The following IL9R variants were observed in gnomAD, a reference collection of about 807,000 sequenced individuals.
The protein encoded by IL9R is interleukin 9 receptor.
Under a neutral mutation model 56.3 loss-of-function variants are expected in IL9R, and 54 were observed. The ratio of observed to expected loss-of-function variants is 0.96; its 90% CI spans 0.77 to 1.20. The LOEUF (loss-of-function observed/expected upper bound fraction) is 1.20, where lower values mean the gene tolerates loss of function less well. Among genes scored for constraint, IL9R ranks in the 50% most tolerant of loss-of-function variants. IL9R has a pLI of 0.00. For missense variants in IL9R, 545 were observed against 629.8 expected, an observed-to-expected ratio of 0.87 and a Z score of 1.44; for synonymous variants, 212 against 250.2, an observed-to-expected ratio of 0.85 and a Z score of 1.44.
intron 6 of IL9R, among the ~76,000 whole-genome samples, chrX:156,005,827 G>A (rs1335812698): frequency 6.6e-6 from 1 of 152,094 alleles, no homozygotes; most frequent in African/African-American, 2.4e-5. Flanking sequence ...ATGGCCCAGG[G>A]ACTTTATGAC....
intron 8 of IL9R, among the ~76,000 whole-genome samples, chrX:156,009,278 G>GTT (rs2068301066): frequency 1.0e-5 from 1 of 95,470 alleles, no homozygotes; most frequent in East Asian, 4.2e-4. Context: ...GTGTGTGTAT[G>GTT]TCTGTGTGTG....
chrX:156,009,165 G>T (rs1569478882), intron 8 of IL9R, among the ~76,000 whole-genome samples: 1 of 122,054 alleles, frequency 8.2e-6, no homozygotes, highest in Non-Finnish European at 1.9e-5. Context: ...GTGTTTATGT[G>T]TGTATGTCTG....
At chrX:156,005,608 A>G in intron 6 of IL9R, 129 bp downstream of exon 6, 2 of 754,496 alleles carry the variant, frequency 2.7e-6, no homozygotes, top group East Asian at 2.7e-5. Flanking sequence ...GCCTCAGTTG[A>G]CCCCCTTCCT....
chrX:156,010,268 T>C lies in IL9R; in HGVS notation c.1425T>C (p.Ser475=), dbSNP rs1440441197. The change falls in exon 9 of 9, where the codon TCT becomes TCC. Residue 475 remains serine (S), a synonymous_variant. Transcript: ENST00000244174. ...TCCCAGCCCTGGCCTGTGGCCTTTCTTGTGACCATCAGGGCCTGGAGACCC... is the reference window on the plus strand; with the variant it reads ...TCCCAGCCCTGGCCTGTGGCCTTTCCTGTGACCATCAGGGCCTGGAGACCC... ...GPIPALACGL[S]CDHQGLETQQ... is the part of the protein sequence containing the mutation. 1 of 1,214,134 alleles carries C rather than the reference T, an allele frequency of 8.2e-7. No individual in the cohort carries two copies. The highest frequency in any genetic ancestry group is 3.6e-5 in the African/African-American group (1 of 28,080). The allele number at this position is 1,214,134 out of a possible 1,614,324, so 75.2% of individuals were successfully genotyped here.
At chrX:156,008,816 C>G (rs1444671114) in intron 8 of IL9R, among the ~76,000 whole-genome samples, 2 of 152,192 alleles carry the variant, frequency 1.3e-5, no homozygotes, top group African/African-American at 4.8e-5. Context: ...GTCTGCTGGC[C>G]ATAGCCGAGT....
chrX:156,010,018 T>C lies in IL9R; in HGVS notation c.1175T>C (p.Val392Ala), dbSNP rs146700454. The C allele has an allele frequency of 1.2e-4, 179 of 1,554,580 alleles. 5 individuals carry two copies. In the African/African-American group the frequency reaches 2.8e-3, roughly 24 times the overall value. ...RLPGNLSSED[V>A]LPAGCTEWRV... ...CCGGGGAACCTGAGCTCAGAGGATG[T>C]GCTGCCAGCAGGGTGTACGGAGTGG... Residue 392 changes from valine (V) to alanine (A), a missense_variant, in exon 9 of 9, where the codon GTG (valine) becomes GCG (alanine). This residue lies in a region of IL9R where 114 missense variants were observed against 269.8 expected (regional missense o/e 0.42). Coordinates refer to ENST00000244174, the MANE Select transcript of IL9R (RefSeq NM_002186.3).
In IL9R at chrX:156,001,309, G is replaced by T. The variant is rs1395314383; in HGVS notation, c.29-1597G>T. On this transcript the variant is annotated intron_variant, in intron 1 of 8. Transcript: ENST00000244174. ...CCTGGGTCAGCTCTCAGCTGTGGCC[G>T]TTGTGCCTGTGCTTCCCCAGGTCCT... 7 of 859,048 alleles carry T rather than the reference G, an allele frequency of 8.1e-6. No individual in the cohort carries two copies. In the East Asian group the frequency reaches 1.4e-4, roughly 18 times the overall value. The allele number at this position is 859,048 out of a possible 1,614,324, so 53.2% of individuals were successfully genotyped here.
chrX:156,001,388 C>T lies in IL9R; in HGVS notation c.29-1518C>T, dbSNP rs1342997242. On this transcript the variant is annotated intron_variant, in intron 1 of 8. Coordinates refer to ENST00000244174, the MANE Select transcript of IL9R (RefSeq NM_002186.3). ...ATCCCAAGAGCAGGCTGACTGCCTT[C>T]CCCATTCCCACCTTTCCAGTAACTG... The T allele has an allele frequency of 4.5e-6, 7 of 1,538,536 alleles. No homozygotes were observed. In the Admixed American group the frequency reaches 5.0e-5, roughly 11 times the overall value.
At chrX:156,009,260 G>GTGTA (rs2068291529) in intron 8 of IL9R, among the ~76,000 whole-genome samples, 3 of 86,690 alleles carry the variant, frequency 3.5e-5, no homozygotes, top group Admixed American at 1.2e-4. Flanking sequence ...GTCTGTGTGT[G>GTGTA]TGTGTTTGTG....
At chrX:155,998,183 T>C (rs1183751625) in intron 1 of IL9R, among the ~76,000 whole-genome samples, 1 of 151,866 alleles carries the variant, frequency 6.6e-6, no homozygotes, top group Non-Finnish European at 1.5e-5. Flanking sequence ...GGGGTGGAGC[T>C]GAGGTCTAGG....
At chrX:156,004,275 T>A in intron 4 of IL9R, 145 bp from the exon 5 acceptor site, 1 of 743,952 alleles carries the variant, frequency 1.3e-6, no homozygotes, top group Non-Finnish European at 2.3e-6. Flanking sequence ...GGGGCTTTTG[T>A]GGACCAGTCT....
At chrX:156,009,666 A>T (rs924602707) in intron 8 of IL9R, 150 bp from the exon 9 acceptor site, 23 of 513,618 alleles carry the variant, frequency 4.5e-5, no homozygotes, top group Non-Finnish European at 7.4e-5. Context: ...TGTCCAAGAC[A>T]CAGGCGCTGC....
intron 8 of IL9R, among the ~76,000 whole-genome samples, chrX:156,009,139 TTGTG>T (rs1241751830): frequency 1.6e-4 from 16 of 99,282 alleles, no homozygotes; most frequent in East Asian, 7.3e-4. Context: ...GTGTGTGTGT[TTGTG>T]TGTGTGTGTT....
At chrX:156,007,848 T>G in intron 8 of IL9R, 1 of 521,740 alleles carries the variant, frequency 1.9e-6, no homozygotes, top group Admixed American at 3.5e-5. Flanking sequence ...CATTGTTGAT[T>G]GAAAAAATGT....
intron 6 of IL9R, among the ~76,000 whole-genome samples, chrX:156,005,784 G>T (rs2067891394): frequency 6.6e-6 from 1 of 152,084 alleles, no homozygotes; most frequent in Non-Finnish European, 1.5e-5. Flanking sequence ...CTTAATGGGG[G>T]CTGGACTGAC....
intron 1 of IL9R, among the ~76,000 whole-genome samples, chrX:156,001,809 GC>G (rs2067549304): frequency 6.6e-6 from 1 of 152,152 alleles, no homozygotes; most frequent in Non-Finnish European, 1.5e-5. Context: ...CTGACACCCA[GC>G]CCCTCATCTC....
At chrX:156,009,252 C>CTGTGTGTGTGTGTTTG (rs2068286754) in intron 8 of IL9R, among the ~76,000 whole-genome samples, 1 of 69,612 alleles carries the variant, frequency 1.4e-5, no homozygotes, top group Admixed American at 1.4e-4. Context: ...GTGTGTGTGT[C>CTGTGTGTGTGTGTTTG]TGTGTGTGTG....
intron 8 of IL9R, among the ~76,000 whole-genome samples, chrX:156,009,276 ATGTCTGTG>A (rs2068300230): frequency 2.8e-5 from 1 of 36,154 alleles, no homozygotes; most frequent in Non-Finnish European, 5.1e-5. Flanking sequence ...TTGTGTGTGT[ATGTCTGTG>A]TGTGTGTGTG....
chrX:156,006,243 T>C (rs1256187321), intron 7 of IL9R, 55 bp downstream of exon 7: 16 of 733,146 alleles, frequency 2.2e-5, no homozygotes, highest in African/African-American at 1.6e-4. Flanking sequence ...AGAGTGTGCA[T>C]GTTAGTGTAT....
Sources: gnomAD v4.1 joint callset for allele counts (sites outside exome capture counted in the v4.1 genomes callset) on GRCh38, gnomAD v4.1.1 for gene constraint, gnomAD v4.1.1 regional missense constraint, MANE v1.5 for transcripts, NCBI Gene and HGNC (gene_info 2026-07-23, HGNC 2026-07-21) for gene names.